The following SPMIP7 variants were observed in gnomAD, a reference collection of about 807,000 sequenced individuals.
SPMIP7 encodes sperm microtubule inner protein 7.
chr7:50,103,369 C>T, the SPMIP7 span, among the ~76,000 whole-genome samples: 2 of 152,154 alleles, frequency 1.3e-5, no homozygotes, highest in Admixed American at 6.5e-5. Context: ...TTCACCTATG[C>T]TAGTCACCTG....
At chr7:50,136,580 C>A in the SPMIP7 span, among the ~76,000 whole-genome samples, 111 of 152,148 alleles carry the variant, frequency 7.3e-4, 2 homozygotes, top group East Asian at 0.02. Context: ...GCTTTATAAA[C>A]AGTTTGATAT....
chr7:50,148,475 C>T, the SPMIP7 span, among the ~76,000 whole-genome samples: 3 of 152,148 alleles, frequency 2.0e-5, no homozygotes, highest in Non-Finnish European at 4.4e-5. Context: ...CAGGATATGA[C>T]TTTAGAGGCA....
chr7:50,138,739 C>T, the SPMIP7 span, among the ~76,000 whole-genome samples: 1 of 149,412 alleles, frequency 6.7e-6, no homozygotes, highest in African/African-American at 2.5e-5. Context: ...TCAATAAAAG[C>T]AGTATAAAGT....
chr7:50,106,284 G>C, the SPMIP7 span, among the ~76,000 whole-genome samples: 1 of 152,198 alleles, frequency 6.6e-6, no homozygotes, highest in African/African-American at 2.4e-5. Flanking sequence ...GCAACCAAAA[G>C]TTTGATTTGA....
the SPMIP7 span, among the ~76,000 whole-genome samples, chr7:50,154,018 G>A: frequency 6.6e-6 from 1 of 152,100 alleles, no homozygotes; most frequent in Admixed American, 6.5e-5. Flanking sequence ...TTTAAAAGGA[G>A]GTCAATGGCT....
At chr7:50,096,405 G>T in the SPMIP7 span, 1 of 1,551,814 alleles carries the variant, frequency 6.4e-7, no homozygotes, top group Middle Eastern at 1.7e-4. Context: ...GGTGATTCCT[G>T]TTCAGGGTTT....
At chr7:50,101,941 A>G in the SPMIP7 span, among the ~76,000 whole-genome samples, 3 of 152,314 alleles carry the variant, frequency 2.0e-5, no homozygotes, top group Admixed American at 1.3e-4. Flanking sequence ...TTCCAGCTTA[A>G]AGTGAAACCC....
At chr7:50,133,254 T>A in the SPMIP7 span, among the ~76,000 whole-genome samples, 1 of 152,066 alleles carries the variant, frequency 6.6e-6, no homozygotes, top group African/African-American at 2.4e-5. Flanking sequence ...TGTGTGTGTG[T>A]GTTTAAAATA....
chr7:50,153,825 G>GT, the SPMIP7 span, among the ~76,000 whole-genome samples: 4 of 152,266 alleles, frequency 2.6e-5, no homozygotes, highest in African/African-American at 9.6e-5. Flanking sequence ...ACCCTAGGGG[G>GT]TGGCTCTCAG....
At chr7:50,127,617 C>CTATATATA in the SPMIP7 span, among the ~76,000 whole-genome samples, 2,183 of 142,378 alleles carry the variant, frequency 0.015, 42 homozygotes, top group African/African-American at 0.043. Flanking sequence ...ATATCTTTTT[C>CTATATATA]TATATATATA....
At chr7:50,139,280 C>T in the SPMIP7 span, among the ~76,000 whole-genome samples, 10 of 148,394 alleles carry the variant, frequency 6.7e-5, no homozygotes, top group African/African-American at 2.5e-4. Context: ...ACCCGGGAGA[C>T]GGAGGTTACA....
chr7:50,122,841 C>G, the SPMIP7 span, among the ~76,000 whole-genome samples: 6 of 152,240 alleles, frequency 3.9e-5, no homozygotes, highest in East Asian at 3.9e-4. Flanking sequence ...GGCCATCAGA[C>G]AAATGCAAAT....
the SPMIP7 span, among the ~76,000 whole-genome samples, chr7:50,148,962 G>A: frequency 6.6e-6 from 1 of 152,072 alleles, no homozygotes. Flanking sequence ...CTGACCAACA[G>A]GGTGAAACCC....
chr7:50,112,535 A>G, the SPMIP7 span, among the ~76,000 whole-genome samples: 3 of 152,132 alleles, frequency 2.0e-5, no homozygotes, highest in African/African-American at 7.2e-5. Flanking sequence ...AAAAATGATA[A>G]GCAAAGTAAT....
chr7:50,143,365 C>T, the SPMIP7 span, among the ~76,000 whole-genome samples: 1 of 152,060 alleles, frequency 6.6e-6, no homozygotes, highest in African/African-American at 2.4e-5. Flanking sequence ...GGGGGTTTCG[C>T]CATGTTGGCC....
chr7:50,099,628 A>G, the SPMIP7 span, among the ~76,000 whole-genome samples: 1 of 152,064 alleles, frequency 6.6e-6, no homozygotes, highest in Admixed American at 6.5e-5. Flanking sequence ...GAGAGATGGG[A>G]TTTTTGTTCA....
the SPMIP7 span, chr7:50,151,698 G>A: frequency 5.1e-6 from 3 of 593,156 alleles, no homozygotes; most frequent in Admixed American, 7.0e-5. Context: ...GTCCGAAACA[G>A]AAAAAAAGAT....
chr7:50,159,186 C>T, the SPMIP7 span: 2 of 1,549,836 alleles, frequency 1.3e-6, no homozygotes, highest in East Asian at 2.4e-5. Context: ...CGGCCCTGCG[C>T]GGGCTGTCCA....
At chr7:50,143,410 G>A in the SPMIP7 span, among the ~76,000 whole-genome samples, 10 of 151,990 alleles carry the variant, frequency 6.6e-5, no homozygotes, top group South Asian at 8.3e-4. Flanking sequence ...CAAGTGATCC[G>A]CCTGCCTCGG....
Sources: allele counts gnomAD v4.1 joint callset (sites outside exome capture counted in the v4.1 genomes callset), GRCh38; gene constraint gnomAD v4.1.1; transcripts MANE v1.5; gene names NCBI Gene and HGNC (gene_info 2026-07-23, HGNC 2026-07-21).